CCSER1: variants seen among roughly 807,000 people sequenced by gnomAD.
CCSER1 encodes coiled-coil serine rich protein 1.
In CCSER1, 41 loss-of-function variants were observed where a neutral mutation model predicts 82.0. The ratio of observed to expected loss-of-function variants is 0.50; its 90% CI spans 0.39 to 0.65. The LOEUF (loss-of-function observed/expected upper bound fraction) is 0.65. Among genes scored for constraint, CCSER1 ranks in the 30% least tolerant of loss-of-function variants. The probability of loss-of-function intolerance (pLI) is 0.00; values close to 1 mark genes in which losing one functional copy is unlikely to be tolerated. For missense variants in CCSER1, 1,119 were observed against 1,064.2 expected, an observed-to-expected ratio of 1.05 and a Z score of -0.72; for synonymous variants, 414 against 383.9, an observed-to-expected ratio of 1.08 and a Z score of -0.92.
At chr4:90,915,021 T>TAA (rs1727094425) in intron 8 of CCSER1, among the ~76,000 whole-genome samples, 1 of 152,068 alleles carries the variant, frequency 6.6e-6, no homozygotes. Context: ...AGGCAATAAT[T>TAA]AATAGCATAC....
At chr4:90,380,055 A>G (rs780382474) in intron 3 of CCSER1, among the ~76,000 whole-genome samples, 4 of 152,090 alleles carry the variant, frequency 2.6e-5, no homozygotes, top group Non-Finnish European at 4.4e-5. Context: ...GAGAAAGCCA[A>G]CCCTCATGAT....
intron 10 of CCSER1, among the ~76,000 whole-genome samples, chr4:91,424,001 CTT>C (rs1167472932): frequency 0.011 from 877 of 77,302 alleles, 2 homozygotes; most frequent in African/African-American, 0.038. Context: ...CTCAGCAGAT[CTT>C]TTTTTTTTTT....
intron 5 of CCSER1, among the ~76,000 whole-genome samples, chr4:90,514,061 GAGA>G (rs957065360): frequency 1.3e-5 from 2 of 152,142 alleles, no homozygotes; most frequent in African/African-American, 2.4e-5. Context: ...AGAGCTCATG[GAGA>G]AGAACATTTA....
chr4:91,344,952 T>A (rs1230424215), intron 10 of CCSER1, among the ~76,000 whole-genome samples: 1 of 152,220 alleles, frequency 6.6e-6, no homozygotes, highest in Non-Finnish European at 1.5e-5. Flanking sequence ...AATAAGTATG[T>A]GCCAACTTAA....
chr4:90,788,175 A>C (rs1754772958), intron 7 of CCSER1, among the ~76,000 whole-genome samples: 1 of 152,152 alleles, frequency 6.6e-6, no homozygotes, highest in Admixed American at 6.5e-5. Context: ...GTAGAAAATG[A>C]TCATGGGTTA....
At chr4:91,517,260 C>T (rs7688294) in intron 10 of CCSER1, among the ~76,000 whole-genome samples, 51,144 of 151,942 alleles carry the variant, frequency 0.34, 9,109 homozygotes, top group East Asian at 0.59. Flanking sequence ...GAGAGGGCAT[C>T]TTTGTGTTGT....
At chr4:91,296,479 A>ATC (rs1553921458) in intron 10 of CCSER1, among the ~76,000 whole-genome samples, 1 of 105,638 alleles carries the variant, frequency 9.5e-6, no homozygotes, top group African/African-American at 4.6e-5. Context: ...ATATATATAT[A>ATC]TATATATTTT....
chr4:90,255,485 A>G (rs72877759), intron 1 of CCSER1, among the ~76,000 whole-genome samples: 2,785 of 152,248 alleles, frequency 0.018, 44 homozygotes, highest in African/African-American at 0.049. Flanking sequence ...GTTATAAATT[A>G]TGGTTATTTT....
intron 10 of CCSER1, among the ~76,000 whole-genome samples, chr4:91,360,718 G>A (rs1749193777): frequency 6.6e-6 from 1 of 151,808 alleles, no homozygotes; most frequent in Admixed American, 6.6e-5. Context: ...AAAAAACAGA[G>A]AGAGAGAGAA....
rs756306731 is a variant in CCSER1, at chr4:90,308,508, G to A, written c.224G>A (p.Gly75Glu). 7.4e-6 allele frequency: 12 copies of A among 1,613,756 alleles called. No homozygotes were observed. Among genetic ancestry groups the A allele is most frequent in the African/African-American group, 1.3e-5 (1 of 74,902 alleles). Reference sequence around the variant, plus strand: ...TCCATTAGCTTCCACCATAAGAAGGGGAGTGAGCCTAAGCAAGAGCCTACC... The same window carrying A: ...TCCATTAGCTTCCACCATAAGAAGGAGAGTGAGCCTAAGCAAGAGCCTACC... ...TPSISFHHKK[G>E]SEPKQEPTNQ... The change falls in exon 2 of 11, where the codon GGG becomes GAG. Residue 75 changes from glycine (G) to glutamate (E), a missense_variant. Coordinates refer to ENST00000509176, the MANE Select transcript of CCSER1 (RefSeq NM_001145065.2).
At chr4:90,157,980 C>T (rs923276028) in intron 1 of CCSER1, among the ~76,000 whole-genome samples, 4 of 152,118 alleles carry the variant, frequency 2.6e-5, no homozygotes, top group South Asian at 2.1e-4. Flanking sequence ...TTTTTCTGCT[C>T]GGTTTTTCCC....
chr4:91,490,056 G>A (rs959598994), intron 10 of CCSER1, among the ~76,000 whole-genome samples: 1 of 152,136 alleles, frequency 6.6e-6, no homozygotes, highest in Non-Finnish European at 1.5e-5. Flanking sequence ...TGTCACCCCA[G>A]TTAAAATGGC....
At chr4:90,330,207 T>G (rs1739027848) in intron 3 of CCSER1, among the ~76,000 whole-genome samples, 1 of 152,186 alleles carries the variant, frequency 6.6e-6, no homozygotes, top group Non-Finnish European at 1.5e-5. Context: ...GAAGGATACT[T>G]CCACCAGTAG....
chr4:90,150,292 G>T (rs1337655227), intron 1 of CCSER1, among the ~76,000 whole-genome samples: 1 of 152,070 alleles, frequency 6.6e-6, no homozygotes, highest in Admixed American at 6.6e-5. Flanking sequence ...TTATTAGTTA[G>T]CCTGAGTTTC....
intron 3 of CCSER1, among the ~76,000 whole-genome samples, chr4:90,376,699 C>T (rs980595387): frequency 1.3e-5 from 2 of 152,082 alleles, no homozygotes; most frequent in African/African-American, 4.8e-5. Flanking sequence ...ATGGTCCCAG[C>T]CTCTGTCAGA....
chr4:90,384,035 T>C (rs79214215), intron 3 of CCSER1, among the ~76,000 whole-genome samples: 2,231 of 152,158 alleles, frequency 0.015, 80 homozygotes, highest in African/African-American at 0.05. Flanking sequence ...AACTCTGGGA[T>C]TAAGTGTGAA....
intron 3 of CCSER1, among the ~76,000 whole-genome samples, chr4:90,320,470 T>G (rs866941436): frequency 4.6e-5 from 7 of 152,308 alleles, no homozygotes; most frequent in Admixed American, 1.3e-4. Flanking sequence ...GCACAATTTA[T>G]TTTAGGATTA....
At chr4:90,499,253 T>C (rs1296934642) in intron 5 of CCSER1, among the ~76,000 whole-genome samples, 1 of 152,094 alleles carries the variant, frequency 6.6e-6, no homozygotes, top group Non-Finnish European at 1.5e-5. Flanking sequence ...GCCTACTATA[T>C]GCAAGGTACA....
chr4:90,627,435 A>C (rs1031623652), intron 5 of CCSER1, among the ~76,000 whole-genome samples: 1 of 151,838 alleles, frequency 6.6e-6, no homozygotes, highest in African/African-American at 2.4e-5. Context: ...ATGTAAGAAA[A>C]TAATATAATT....
Sources: gnomAD v4.1 joint callset for allele counts (sites outside exome capture counted in the v4.1 genomes callset) on GRCh38, gnomAD v4.1.1 for gene constraint, MANE v1.5 for transcripts, NCBI Gene and HGNC (gene_info 2026-07-23, HGNC 2026-07-21) for gene names.